The following CHD7 variants were observed in gnomAD, a reference collection of about 807,000 sequenced individuals.
CHD7 encodes ATP-dependent chromatin remodeler CHD7.
CHD7 carries 24 observed loss-of-function variants against 307.3 expected under a neutral mutation model. That is an observed-to-expected ratio of 0.08 (90% CI 0.06 to 0.11). The LOEUF (loss-of-function observed/expected upper bound fraction) is 0.11, where lower values mean the gene tolerates loss of function less well. Ranked by LOEUF, CHD7 falls within the 10% of genes least tolerant of loss-of-function variation. The probability of loss-of-function intolerance (pLI) is 1.00; values close to 1 mark genes in which losing one functional copy is unlikely to be tolerated. For synonymous variants in CHD7, 1,363 were observed against 1,349.9 expected (o/e 1.01, Z -0.21); for missense variants, 3,106 against 3,727.1 (o/e 0.83, Z 4.34).
intron 1 of CHD7, among the ~76,000 whole-genome samples, chr8:60,700,066 G>T (rs558994873): frequency 1.3e-5 from 2 of 152,136 alleles, no homozygotes; most frequent in African/African-American, 4.8e-5. Context: ...TCGAACTCCC[G>T]ACCTCAGGTG....
chr8:60,830,952 GGT>G (rs1156248749), intron 15 of CHD7, among the ~76,000 whole-genome samples: 2 of 152,158 alleles, frequency 1.3e-5, no homozygotes, highest in African/African-American at 4.8e-5. Flanking sequence ...GAGGAACTTA[GGT>G]GTGAGCAGAC....
chr8:60,861,044 A>ATCT lies in CHD7; in HGVS notation c.7749_7750insTCT (p.Glu2583_Asp2584insSer). 1 of 1,613,998 alleles carries ATCT rather than the reference A, an allele frequency of 6.2e-7. No individual in the cohort carries two copies. The highest frequency in any genetic ancestry group is 8.5e-7 in the Non-Finnish European group (1 of 1,179,894). ...AAGATGGGACTAGGCTGGTGGGGGAAGATGCTCCTAAAAATAAGGATTTAG... is the reference window on the plus strand; with the variant it reads ...AAGATGGGACTAGGCTGGTGGGGGAATCTGATGCTCCTAAAAATAAGGATTTAG... On this transcript the variant is annotated inframe_insertion, in exon 35 of 38. Coordinates refer to ENST00000423902, the MANE Select transcript of CHD7 (RefSeq NM_017780.4).
At chr8:60,808,834 A>G (rs139791631) in intron 7 of CHD7, 1 of 153,034 alleles carries the variant, frequency 6.5e-6, no homozygotes, top group Non-Finnish European at 1.5e-5. Flanking sequence ...TGTTGTAAGC[A>G]GTACACCTGG....
At chr8:60,820,194 G>A (rs1242538445) in intron 9 of CHD7, 104 bp downstream of exon 9, 2 of 582,772 alleles carry the variant, frequency 3.4e-6, no homozygotes, top group South Asian at 3.2e-5. Flanking sequence ...CAGAGCCTTG[G>A]ACTGTGACAC....
intron 13 of CHD7, chr8:60,825,065 G>A (rs946353181): frequency 6.6e-6 from 1 of 152,140 alleles, no homozygotes; most frequent in Non-Finnish European, 1.5e-5. Context: ...TACAAAAAGG[G>A]TTTCAAAGTA....
chr8:60,831,260 A>G (rs1390676740), intron 15 of CHD7, among the ~76,000 whole-genome samples: 1 of 152,170 alleles, frequency 6.6e-6, no homozygotes, highest in African/African-American at 2.4e-5. Context: ...AGCAGTCTTC[A>G]GTTAGCTGAG....
intron 21 of CHD7, among the ~76,000 whole-genome samples, chr8:60,842,968 C>T (rs192554765): frequency 6.6e-6 from 1 of 152,190 alleles, no homozygotes; most frequent in Non-Finnish European, 1.5e-5. Flanking sequence ...GAGGACCCCC[C>T]ACTTGCACCT....
chr8:60,856,292 T>G, intron 33 of CHD7, 90 bp downstream of exon 33: 2 of 1,266,426 alleles, frequency 1.6e-6, no homozygotes, highest in Non-Finnish European at 2.2e-6. Flanking sequence ...TGGCCTTGCT[T>G]AGAAATAAGA....
rs1809061832 is a variant in CHD7, at chr8:60,742,115, C to T, written c.683C>T (p.Ala228Val). The T allele has an allele frequency of 6.2e-7, 1 of 1,613,942 alleles. No individual in the cohort carries two copies. The highest frequency in any genetic ancestry group is 1.1e-5 in the South Asian group (1 of 91,092). ...CTCAATCAGGGAAATCCTTTTATTG[C>T]CACCTCAGGACCTGGCCACTTGTCC... ...EGLNQGNPFI[A>V]TSGPGHLSHV... Residue 228 changes from alanine (A) to valine (V), a missense_variant, in exon 2 of 38, where the codon GCC becomes GTC. Physicochemically the swap from Ala to Val is moderately conservative, Grantham distance 64. This residue lies in a region of CHD7 where 998 missense variants were observed against 1,004.5 expected (regional missense o/e 0.99). Transcript: ENST00000423902.
intron 8 of CHD7, among the ~76,000 whole-genome samples, chr8:60,818,132 A>G (rs1208036433): frequency 6.6e-6 from 1 of 152,184 alleles, no homozygotes; most frequent in Non-Finnish European, 1.5e-5. Flanking sequence ...TATACATGAA[A>G]GTGCACACGC....
chr8:60,688,695 C>T (rs1277312086), intron 1 of CHD7, among the ~76,000 whole-genome samples: 1 of 152,224 alleles, frequency 6.6e-6, no homozygotes, highest in Non-Finnish European at 1.5e-5. Flanking sequence ...AGAGTTATGG[C>T]TGTCCTTCTA....
chr8:60,854,269 C>A, intron 31 of CHD7, 94 bp from the exon 32 acceptor site: 1 of 1,064,342 alleles, frequency 9.4e-7, no homozygotes. Context: ...TAAAATGGAG[C>A]TGATTAGTAT....
intron 11 of CHD7, 116 bp downstream of exon 11, chr8:60,822,261 AAAC>A: frequency 2.3e-6 from 2 of 886,662 alleles, no homozygotes; most frequent in African/African-American, 1.7e-5. Context: ...CTTTTTCAAA[AAAC>A]AAGCATTGAA....
chr8:60,748,986 T>TA (rs199593453), intron 2 of CHD7, among the ~76,000 whole-genome samples: 163 of 143,466 alleles, frequency 1.1e-3, no homozygotes, highest in African/African-American at 3.8e-3. Context: ...TTTTTTTTTT[T>TA]TAAAAAAATA....
chr8:60,781,531 T>A (rs781647590), intron 3 of CHD7, 101 bp downstream of exon 3: 141 of 1,396,222 alleles, frequency 1.0e-4, no homozygotes, highest in Non-Finnish European at 1.2e-4. Context: ...GGGGACACAA[T>A]GATTTTTGTC....
intron 2 of CHD7, among the ~76,000 whole-genome samples, chr8:60,777,016 T>C (rs1810984750): frequency 6.6e-6 from 1 of 152,236 alleles, no homozygotes; most frequent in South Asian, 2.1e-4. Context: ...TTTATGTTAC[T>C]TGGGACTTAA....
At chr8:60,693,666 C>A (rs1164700757) in intron 1 of CHD7, among the ~76,000 whole-genome samples, 1 of 152,248 alleles carries the variant, frequency 6.6e-6, no homozygotes, top group Non-Finnish European at 1.5e-5. Context: ...TCCCCAAACC[C>A]ATTACCACAT....
intron 18 of CHD7, 33 bp from the exon 19 acceptor site, chr8:60,838,043 A>G: frequency 7.1e-7 from 1 of 1,412,578 alleles, no homozygotes; most frequent in Non-Finnish European, 9.4e-7. Flanking sequence ...ATTTTAAATT[A>G]TTTTGAGTAT....
intron 3 of CHD7, among the ~76,000 whole-genome samples, chr8:60,781,680 TA>T (rs1811243041): frequency 2.6e-5 from 4 of 152,352 alleles, no homozygotes. Context: ...TTTATATTTT[TA>T]TGAAAACTTA....
Sources: gnomAD v4.1 joint callset for allele counts (sites outside exome capture counted in the v4.1 genomes callset) on GRCh38, gnomAD v4.1.1 for gene constraint, gnomAD v4.1.1 regional missense constraint, MANE v1.5 for transcripts, NCBI Gene and HGNC (gene_info 2026-07-23, HGNC 2026-07-21) for gene names.